The following CLEC4F variants were observed in gnomAD, a reference collection of about 807,000 sequenced individuals.
CLEC4F encodes the protein C-type lectin domain family 4 member F.
Under a neutral mutation model 53.4 loss-of-function variants are expected in CLEC4F, and 45 were observed. The observed-to-expected ratio is 0.84, with a 90% CI of 0.66 to 1.08. The LOEUF (loss-of-function observed/expected upper bound fraction) is 1.08, where lower values mean the gene tolerates loss of function less well. CLEC4F is among the 50% of genes least tolerant of loss of function. The pLI is 0.00. For missense variants in CLEC4F, 753 were observed against 698.2 expected (o/e 1.08, Z -0.88); for synonymous variants, 245 against 257.5 (o/e 0.95, Z 0.46).
chr2:70,819,251 C>T (rs1275888056), intron 3 of CLEC4F, 104 bp downstream of exon 3: 36 of 835,124 alleles, frequency 4.3e-5, no homozygotes, highest in Non-Finnish European at 7.0e-5. Context: ...GATGGTGGAG[C>T]CCATTCAGTG....
At position 70,808,947 on chromosome 2, in the gene CLEC4F, C is replaced by T; in HGVS notation, c.*324G>A. 1 of 872,834 alleles carries T rather than the reference C, an allele frequency of 1.1e-6. No homozygotes were observed. The highest frequency in any genetic ancestry group is 1.8e-6 in the Non-Finnish European group (1 of 560,798). The allele number at this position is 872,834 out of a possible 1,614,324, so 54.1% of individuals were successfully genotyped here. On this transcript the variant is annotated 3_prime_UTR_variant, in exon 7 of 7. Coordinates refer to ENST00000272367, the MANE Select transcript of CLEC4F (RefSeq NM_173535.3). ...CCTGCCCTCAGGCCACACCCTGGCC[C>T]ATGGGCTTCTTGCACACCCACTGAT...
chr2:70,820,528 G>A lies in CLEC4F; in HGVS notation c.-5C>T. 4 of 1,582,486 alleles carry A rather than the reference G, an allele frequency of 2.5e-6. No homozygotes were observed. Among genetic ancestry groups the A allele is most frequent in the Non-Finnish European group, 3.4e-6 (4 of 1,162,348 alleles). On this transcript the variant is annotated 5_prime_UTR_variant, in exon 1 of 7. Coordinates refer to ENST00000272367, the MANE Select transcript of CLEC4F (RefSeq NM_173535.3). ...GCGGACTGCCTCACCGTCCATCTCT[G>A]CTTCCTTGATCCTCCAGCACTGCTC...
chr2:70,816,741 C>G lies in CLEC4F; in HGVS notation c.640G>C (p.Val214Leu), dbSNP rs150218766. Residue 214 changes from valine to leucine, a missense_variant, in exon 4 of 7, where the codon GTG becomes CTG. Coordinates refer to ENST00000272367, the MANE Select transcript of CLEC4F (RefSeq NM_173535.3). ...SLENTSIELH[V>L]LSRGLENANS... The stretch of plus-strand genomic sequence containing the variant: ...GCATTTTCTAAGCCTCTGCTTAGCA[C>G]GTGGAGCTCAATGCTGGTGTTTTCT... The G allele has an allele frequency of 6.2e-7, 1 of 1,614,186 alleles. No homozygotes were observed. Among genetic ancestry groups the G allele is most frequent in the Non-Finnish European group, 8.5e-7 (1 of 1,180,036 alleles).
intron 6 of CLEC4F, 39 bp downstream of exon 6, chr2:70,809,700 A>C: frequency 6.7e-7 from 1 of 1,487,074 alleles, no homozygotes; most frequent in Non-Finnish European, 9.4e-7. Context: ...TCCACCAAAG[A>C]CAGTGCCTGG....
chr2:70,810,815 C>A, intron 5 of CLEC4F: 1 of 527,298 alleles, frequency 1.9e-6, no homozygotes, highest in South Asian at 1.6e-5. Flanking sequence ...TCACTTTCCC[C>A]AGAAATTGAA....
At chr2:70,813,597 CTCTTTCTTTCTTTCTTTCTT>C (rs370418600) in intron 4 of CLEC4F, among the ~76,000 whole-genome samples, 18 of 106,224 alleles carry the variant, frequency 1.7e-4, no homozygotes, top group Non-Finnish European at 2.8e-4. Context: ...CTCTTTCTTT[CTCTTTCTTTCTTTCTTTCTT>C]TCTTTCTTTC....
chr2:70,819,596 TC>T, intron 2 of CLEC4F, 152 bp from the exon 3 acceptor site: 1 of 889,376 alleles, frequency 1.1e-6, no homozygotes, highest in South Asian at 1.5e-5. Flanking sequence ...CTTGGGAGGC[TC>T]CCCCTTGGAC....
At chr2:70,810,618 C>CAAAAAAAAAA (rs58138583) in intron 5 of CLEC4F, among the ~76,000 whole-genome samples, 3 of 48,832 alleles carry the variant, frequency 6.1e-5, no homozygotes, top group African/African-American at 1.9e-4. Context: ...AACTCTGTCG[C>CAAAAAAAAAA]AAAAAAAAAA....
intron 1 of CLEC4F, 98 bp downstream of exon 1, chr2:70,820,365 G>A (rs1465302748): frequency 1.5e-5 from 16 of 1,068,392 alleles, no homozygotes; most frequent in African/African-American, 3.2e-5. Flanking sequence ...GGTCTGGGGA[G>A]AGCAATAAGA....
rs1676411050 is a variant in CLEC4F at position 70,809,365 on chromosome 2, G to T, written c.1676C>A (p.Ser559Tyr). The T allele has an allele frequency of 1.9e-6, 3 of 1,611,346 alleles. No homozygotes were observed. Among genetic ancestry groups the T allele is most frequent in the Non-Finnish European group, 2.5e-6 (3 of 1,178,914 alleles). Residue 559 changes from serine (S) to tyrosine (Y), a missense_variant, in exon 7 of 7, where the codon TCC becomes TAC. Coordinates refer to ENST00000272367, the MANE Select transcript of CLEC4F (RefSeq NM_173535.3). ...AATAATATACTTTCTGAGTGGGCAG[G>T]ATCCCTTGGAACCAGGCCTGAGTAG... ...AQNKAPGSKG[S>Y]CPLRKYIIVN...
chr2:70,821,004 C>A (rs181244716), upstream of CLEC4F, among the ~76,000 whole-genome samples: 10 of 152,216 alleles, frequency 6.6e-5, no homozygotes, highest in African/African-American at 2.4e-4. Context: ...AAGGAGGAAG[C>A]GGGGTGACCA....
At position 70,816,261 on chromosome 2, in the gene CLEC4F, C is replaced by T. The variant is rs782430993; in HGVS notation, c.1120G>A (p.Ala374Thr). Residue 374 changes from alanine to threonine, a missense_variant, in exon 4 of 7, where the codon GCC becomes ACC. Coordinates refer to ENST00000272367, the MANE Select transcript of CLEC4F (RefSeq NM_173535.3). The part of the protein sequence containing the change: ...SEMENVNTLN[A>T]QIQVLNGHMK... The stretch of plus-strand genomic sequence containing the variant: ...TGACCATTTAAGACCTGAATCTGGG[C>T]ATTTAAGGTATTCACATTTTCCATC... 3 of 1,614,186 alleles carry T rather than the reference C, an allele frequency of 1.9e-6. No individual in the cohort carries two copies. The highest frequency in any genetic ancestry group is 1.7e-6 in the Non-Finnish European group (2 of 1,180,018).
intron 5 of CLEC4F, chr2:70,811,450 C>G (rs1416507614): frequency 1.7e-6 from 1 of 575,620 alleles, no homozygotes; most frequent in African/African-American, 1.9e-5. Context: ...TGCCTCAGCA[C>G]TGCCATCCCC....
At position 70,817,110 on chromosome 2, in the gene CLEC4F, G is replaced by T. The variant is rs782324435; in HGVS notation, c.271C>A (p.His91Asn). ...TCTGCCTCCCTGCCAAAGTGGTGAT[G>T]ATCTGGAGGGAGGAAGTGAAGAAGG... ...TGHLPFEPNN[H>N]HHFGREAEMR... Residue 91 changes from histidine to asparagine, a missense_variant and splice_region_variant, in exon 4 of 7, where the codon CAT becomes AAT. By Grantham distance (68) the His-to-Asn change is moderately conservative. Coordinates refer to ENST00000272367, the MANE Select transcript of CLEC4F (RefSeq NM_173535.3). 1.2e-6 allele frequency: 2 copies of T among 1,604,166 alleles called. No homozygotes were observed. The highest frequency in any genetic ancestry group is 4.5e-5 in the East Asian group (2 of 44,868).
At chr2:70,814,838 C>A (rs1393483480) in intron 4 of CLEC4F, among the ~76,000 whole-genome samples, 13 of 140,956 alleles carry the variant, frequency 9.2e-5, no homozygotes, top group South Asian at 2.3e-4. Flanking sequence ...ACACCCTCAC[C>A]AAAAAAAAAA....
At chr2:70,823,121 TTGTGTGTG>T (rs10538705), upstream of CLEC4F, among the ~76,000 whole-genome samples, 1 of 150,400 alleles carries the variant, frequency 6.6e-6, no homozygotes, top group Non-Finnish European at 1.5e-5. Flanking sequence ...GTGTGTGTGT[TTGTGTGTG>T]TGTGTGTGTG....
intron 5 of CLEC4F, chr2:70,811,268 C>T: frequency 1.0e-6 from 1 of 997,230 alleles, no homozygotes; most frequent in Non-Finnish European, 1.5e-6. Flanking sequence ...TGTCATACTT[C>T]CATACACCTT....
Position 70,816,613 on chromosome 2 carries a change from A to G in CLEC4F, c.768T>C (p.Val256=), listed in dbSNP as rs1194096504. 1.4e-5 allele frequency: 23 copies of G among 1,613,900 alleles called. No individual in the cohort carries two copies. Among genetic ancestry groups the G allele is most frequent in the Non-Finnish European group, 1.9e-5 (22 of 1,180,026 alleles). Residue 256 remains valine, a synonymous_variant, in exon 4 of 7, where the codon GTT becomes GTC. Coordinates refer to ENST00000272367, the MANE Select transcript of CLEC4F (RefSeq NM_173535.3). The stretch of plus-strand genomic sequence containing the variant: ...TGACACTATCTAGATGGCCTCTCAA[A>G]ACATAGATCTCAGCATTAGCGTTCT... ...SLKNANAEIY[V]LRGHLDSVND...
upstream of CLEC4F, among the ~76,000 whole-genome samples, chr2:70,822,958 T>C (rs952216327): frequency 6.6e-6 from 1 of 152,230 alleles, no homozygotes; most frequent in African/African-American, 2.4e-5. Context: ...GGAACGTGCC[T>C]CCTCTGAGGC....
Sources: gnomAD v4.1 joint callset for allele counts (sites outside exome capture counted in the v4.1 genomes callset) on GRCh38, gnomAD v4.1.1 for gene constraint, MANE v1.5 for transcripts, NCBI Gene and HGNC (gene_info 2026-07-23, HGNC 2026-07-21) for gene names.